The following RBFOX1 variants were observed in gnomAD, a reference collection of about 807,000 sequenced individuals.
RBFOX1 encodes RNA binding fox-1 homolog 1.
RBFOX1 carries 8 observed loss-of-function variants against 57.7 expected under a neutral mutation model. The ratio of observed to expected loss-of-function variants is 0.14; its 90% CI spans 0.08 to 0.25. RBFOX1 has a LOEUF of 0.25. Among genes scored for constraint, RBFOX1 ranks in the 10% least tolerant of loss-of-function variants. The pLI, the probability that RBFOX1 is intolerant of heterozygous loss-of-function variation, is 1.00. For synonymous variants in RBFOX1, 326 were observed against 222.4 expected (o/e 1.47, Z -4.15); for missense variants, 611 against 548.5 (o/e 1.11, Z -1.14).
At chr16:5,614,471 A>C (rs1388239388) in intron 3 of RBFOX1, among the ~76,000 whole-genome samples, 2 of 152,074 alleles carry the variant, frequency 1.3e-5, no homozygotes, top group African/African-American at 4.8e-5. Flanking sequence ...CTCAGACATA[A>C]ATGATTTCTG....
At chr16:6,210,351 AAAAAAAC>A (rs2097286494) in intron 1 of RBFOX1, among the ~76,000 whole-genome samples, 1 of 75,818 alleles carries the variant, frequency 1.3e-5, no homozygotes, top group Non-Finnish European at 2.3e-5. Flanking sequence ...AAAACAAAAA[AAAAAAAC>A]ACCAAAAAAA....
Position 6,688,802 on chromosome 16 carries a change from G to A in RBFOX1, c.-16+34152G>A, listed in dbSNP as rs150589612. 5.0e-3 allele frequency among the ~76,000 whole-genome samples: 763 copies of A among 152,092 alleles called. 6 individuals are homozygous for A. The highest frequency in any genetic ancestry group is 7.2e-3 in the Non-Finnish European group (487 of 67,978). ...ATCCTTCCCTAGCCCACCACCTCCC[G>A]ACAGGCCCTGGTGTGTGATGTTCTC... On this transcript the variant is annotated intron_variant, in intron 3 of 15. Coordinates refer to ENST00000550418, the MANE Select transcript of RBFOX1 (RefSeq NM_018723.4).
intron 2 of RBFOX1, among the ~76,000 whole-genome samples, chr16:6,462,102 T>C (rs935394745): frequency 6.6e-5 from 10 of 152,216 alleles, no homozygotes; most frequent in Admixed American, 4.6e-4. Context: ...AATTTCATCC[T>C]TTATAAAATC....
chr16:5,846,653 C>G (rs146281959), intron 3 of RBFOX1, among the ~76,000 whole-genome samples: 4 of 152,204 alleles, frequency 2.6e-5, no homozygotes, highest in African/African-American at 4.8e-5. Context: ...CTCCACCACA[C>G]TCAGCTGTCT....
chr16:7,201,150 G>A (rs534474330), intron 4 of RBFOX1, among the ~76,000 whole-genome samples: 1 of 152,184 alleles, frequency 6.6e-6, no homozygotes, highest in East Asian at 1.9e-4. Context: ...GAGGAATTGG[G>A]GCAAGGGTTG....
intron 1 of RBFOX1, among the ~76,000 whole-genome samples, chr16:6,283,824 A>T (rs1237871247): frequency 6.6e-6 from 1 of 152,186 alleles, no homozygotes; most frequent in African/African-American, 2.4e-5. Context: ...AGTGGCAGAG[A>T]TATGGCCAAA....
rs184190908 is a variant in RBFOX1 at position 6,695,607 on chromosome 16, T to A, written c.-16+40957T>A. On this transcript the variant is annotated intron_variant, in intron 3 of 15. Transcript: ENST00000550418. Reference sequence around the variant, plus strand: ...GAATGATGAGCACTCTCAATATATTTTCACTTGGAATCTTCTTTAGGGAGA... The same window carrying A: ...GAATGATGAGCACTCTCAATATATTATCACTTGGAATCTTCTTTAGGGAGA... Among the ~76,000 whole-genome samples, 384 of 152,226 alleles carry A rather than the reference T, an allele frequency of 2.5e-3. 2 individuals are homozygous for A. The highest frequency in any genetic ancestry group is 8.8e-3 in the African/African-American group (367 of 41,552).
At chr16:7,268,435 G>A (rs565635768) in intron 4 of RBFOX1, among the ~76,000 whole-genome samples, 2 of 152,320 alleles carry the variant, frequency 1.3e-5, no homozygotes, top group South Asian at 4.1e-4. Context: ...TCTGGGAGAA[G>A]GAAGCAGGTC....
chr16:5,578,083 C>G (rs1207102586), intron 2 of RBFOX1, among the ~76,000 whole-genome samples: 1 of 152,168 alleles, frequency 6.6e-6, no homozygotes, highest in African/African-American at 2.4e-5. Flanking sequence ...TCCCGAGTAG[C>G]TGGGACTACA....
chr16:7,405,522 A>C (rs1224620085), intron 4 of RBFOX1, among the ~76,000 whole-genome samples: 1 of 152,212 alleles, frequency 6.6e-6, no homozygotes, highest in Non-Finnish European at 1.5e-5. Context: ...TGACCGGAGC[A>C]ACCCTCTTCC....
chr16:6,451,513 G>C (rs924979507), intron 2 of RBFOX1, among the ~76,000 whole-genome samples: 20 of 152,130 alleles, frequency 1.3e-4, no homozygotes, highest in Admixed American at 2.6e-4. Context: ...CCACCTGTCA[G>C]CCTCCTGGGC....
intron 5 of RBFOX1, among the ~76,000 whole-genome samples, chr16:7,559,590 C>T (rs1165917084): frequency 1.3e-5 from 2 of 152,188 alleles, no homozygotes; most frequent in Non-Finnish European, 2.9e-5. Context: ...ACACGAGACA[C>T]CCAATCCAAG....
intron 4 of RBFOX1, among the ~76,000 whole-genome samples, chr16:7,412,629 G>T (rs1427669577): frequency 6.6e-6 from 1 of 152,148 alleles, no homozygotes; most frequent in Non-Finnish European, 1.5e-5. Flanking sequence ...GTAATACAAA[G>T]CATTCTATCT....
intron 4 of RBFOX1, among the ~76,000 whole-genome samples, chr16:5,937,429 C>A (rs984127506): frequency 6.6e-6 from 1 of 152,056 alleles, no homozygotes; most frequent in African/African-American, 2.4e-5. Context: ...TCTAGTGACA[C>A]ACGTTTATTT....
chr16:7,629,741 G>A (rs775046837), intron 10 of RBFOX1, among the ~76,000 whole-genome samples: 6 of 152,276 alleles, frequency 3.9e-5, no homozygotes, highest in East Asian at 1.9e-4. Flanking sequence ...ATTATTTGCC[G>A]CTGTAAAATT....
At chr16:6,936,187 G>C (rs1051213735) in intron 3 of RBFOX1, among the ~76,000 whole-genome samples, 8 of 152,120 alleles carry the variant, frequency 5.3e-5, no homozygotes, top group Middle Eastern at 3.2e-3. Flanking sequence ...AGTTGTGCAA[G>C]GATATTACCT....
intron 2 of RBFOX1, among the ~76,000 whole-genome samples, chr16:6,432,468 T>G (rs1422067647): frequency 2.0e-5 from 3 of 149,672 alleles, no homozygotes; most frequent in Non-Finnish European, 4.4e-5. Flanking sequence ...GGTCAGGAGT[T>G]CAAGACCAGC....
At chr16:7,308,576 T>A (rs1471587902) in intron 4 of RBFOX1, among the ~76,000 whole-genome samples, 1 of 152,218 alleles carries the variant, frequency 6.6e-6, no homozygotes, top group Non-Finnish European at 1.5e-5. Context: ...TTAATGATGA[T>A]CCATGTGGTT....
At chr16:7,559,097 A>C (rs2089625267) in intron 5 of RBFOX1, among the ~76,000 whole-genome samples, 1 of 152,232 alleles carries the variant, frequency 6.6e-6, no homozygotes. Flanking sequence ...AAAGGTTCAG[A>C]GGCCTTTCCT....
Sources: allele counts gnomAD v4.1 joint callset (sites outside exome capture counted in the v4.1 genomes callset), GRCh38; gene constraint gnomAD v4.1.1; transcripts MANE v1.5; gene names NCBI Gene and HGNC (gene_info 2026-07-23, HGNC 2026-07-21).